EXOC4: variants seen among roughly 807,000 people sequenced by gnomAD.
EXOC4 encodes SEC8-like 1.
A neutral mutation model predicts 107.2 loss-of-function variants in EXOC4; 71 were observed. The observed-to-expected ratio is 0.66, with a 90% CI of 0.55 to 0.81. EXOC4 has a LOEUF of 0.81. EXOC4 is among the 30% of genes least tolerant of loss of function. The pLI is 0.00. For missense variants in EXOC4, 1,108 were observed against 1,189.6 expected (o/e 0.93, Z 1.01); for synonymous variants, 456 against 441.2 (o/e 1.03, Z -0.42).
chr7:133,944,579 A>G (rs146026512), intron 14 of EXOC4, among the ~76,000 whole-genome samples: 1 of 152,298 alleles, frequency 6.6e-6, no homozygotes, highest in Admixed American at 6.5e-5. Flanking sequence ...AGTTCCTTCC[A>G]AATTTTGGAT....
chr7:133,833,435 T>C (rs1797853337), intron 11 of EXOC4, among the ~76,000 whole-genome samples: 1 of 152,238 alleles, frequency 6.6e-6, no homozygotes, highest in South Asian at 2.1e-4. Flanking sequence ...GTGTACCAAA[T>C]AGTAAATGAA....
intron 10 of EXOC4, among the ~76,000 whole-genome samples, chr7:133,733,371 A>T (rs1795369379): frequency 6.6e-6 from 1 of 152,186 alleles, no homozygotes; most frequent in African/African-American, 2.4e-5. Flanking sequence ...GCATGCCTGT[A>T]ATCCCAGCTA....
intron 10 of EXOC4, among the ~76,000 whole-genome samples, chr7:133,678,578 A>G (rs868362783): frequency 1.3e-5 from 2 of 150,346 alleles, no homozygotes; most frequent in South Asian, 4.2e-4. Flanking sequence ...CTGTGTCACC[A>G]AGCAAGCTCT....
intron 14 of EXOC4, among the ~76,000 whole-genome samples, chr7:133,955,937 A>G (rs1800808986): frequency 6.6e-6 from 1 of 152,208 alleles, no homozygotes; most frequent in African/African-American, 2.4e-5. Context: ...CTGAGCCTTC[A>G]GGGGCAGTTG....
chr7:133,773,095 A>G (rs986525847), intron 10 of EXOC4, among the ~76,000 whole-genome samples: 20 of 152,010 alleles, frequency 1.3e-4, no homozygotes, highest in African/African-American at 4.6e-4. Flanking sequence ...ATCCCAGAGC[A>G]TGCCTGGAGC....
At chr7:133,474,315 T>C (rs996640736) in intron 7 of EXOC4, among the ~76,000 whole-genome samples, 5 of 151,996 alleles carry the variant, frequency 3.3e-5, no homozygotes, top group African/African-American at 7.2e-5. Flanking sequence ...AGTAGATTTT[T>C]TAACTTTTTA....
chr7:133,633,739 A>G (rs1199184874), intron 10 of EXOC4, among the ~76,000 whole-genome samples: 2 of 152,160 alleles, frequency 1.3e-5, no homozygotes, highest in Non-Finnish European at 2.9e-5. Context: ...TAAGTTCTAG[A>G]GGAACTTATC....
At chr7:133,736,041 A>G (rs1257546571) in intron 10 of EXOC4, among the ~76,000 whole-genome samples, 7 of 152,116 alleles carry the variant, frequency 4.6e-5, no homozygotes, top group African/African-American at 7.2e-5. Flanking sequence ...GTGAGCCTGC[A>G]TCGCACGACT....
chr7:133,960,412 A>C (rs1800915446), intron 14 of EXOC4, among the ~76,000 whole-genome samples: 1 of 152,180 alleles, frequency 6.6e-6, no homozygotes, highest in Non-Finnish European at 1.5e-5. Flanking sequence ...CTTGTGGAAT[A>C]GTGTCAATAG....
intron 6 of EXOC4, among the ~76,000 whole-genome samples, chr7:133,358,210 C>A (rs1323017835): frequency 2.6e-5 from 4 of 151,780 alleles, no homozygotes; most frequent in African/African-American, 9.7e-5. Flanking sequence ...ACAAACACCC[C>A]AAAAAACCAA....
chr7:133,620,610 A>G (rs2151005527), intron 9 of EXOC4, among the ~76,000 whole-genome samples: 1 of 152,296 alleles, frequency 6.6e-6, no homozygotes, highest in South Asian at 2.1e-4. Context: ...ATCCATTGGA[A>G]TATTATTCTT....
At chr7:133,828,103 C>G (rs1797740907) in intron 11 of EXOC4, among the ~76,000 whole-genome samples, 1 of 152,154 alleles carries the variant, frequency 6.6e-6, no homozygotes, top group Non-Finnish European at 1.5e-5. Flanking sequence ...CAGCCCACTC[C>G]TTGGTGGATA....
chr7:134,100,284 AG>A, the EXOC4 span, among the ~76,000 whole-genome samples: 2 of 73,726 alleles, frequency 2.7e-5, no homozygotes, highest in Non-Finnish European at 6.7e-5. Context: ...GCCAGGGAAG[AG>A]GCCTGGAACA....
chr7:133,461,379 A>G (rs950166281), intron 7 of EXOC4, among the ~76,000 whole-genome samples: 3 of 152,210 alleles, frequency 2.0e-5, no homozygotes, highest in African/African-American at 7.2e-5. Flanking sequence ...TAGTAATTAC[A>G]AAGTAAATGC....
the EXOC4 span, among the ~76,000 whole-genome samples, chr7:134,084,727 A>AAAAAAAAAAAG: frequency 1.4e-5 from 2 of 145,114 alleles, no homozygotes; most frequent in African/African-American, 5.3e-5. Context: ...AAAAAAAAAA[A>AAAAAAAAAAAG]AAATTCACCA....
chr7:134,005,735 G>A lies in EXOC4; in HGVS notation c.2527+645G>A, dbSNP rs189632567. 4.2e-3 allele frequency among the ~76,000 whole-genome samples: 644 copies of A among 152,270 alleles called. 4 individuals carry two copies. The highest frequency in any genetic ancestry group is 0.015 in the African/African-American group (609 of 41,558). ...TCCACATTATGTTCCCTTTGTCCAT[G>A]TTTTGGTTTGTTTGTATGAAAACTT... On this transcript the variant is annotated intron_variant, in intron 16 of 17. Coordinates refer to ENST00000253861, the MANE Select transcript of EXOC4 (RefSeq NM_021807.4).
intron 10 of EXOC4, among the ~76,000 whole-genome samples, chr7:133,637,754 T>C (rs1802748077): frequency 1.3e-5 from 2 of 152,208 alleles, no homozygotes; most frequent in East Asian, 1.9e-4. Context: ...ATTAATATTA[T>C]AAATGTTAAA....
At chr7:133,303,702 T>G (rs952459323) in intron 3 of EXOC4, among the ~76,000 whole-genome samples, 2 of 152,220 alleles carry the variant, frequency 1.3e-5, no homozygotes, top group African/African-American at 4.8e-5. Flanking sequence ...TTCAAATTTT[T>G]GAAGTTCTGA....
intron 11 of EXOC4, among the ~76,000 whole-genome samples, chr7:133,879,200 T>G (rs1015992696): frequency 2.6e-5 from 4 of 152,134 alleles, no homozygotes; most frequent in Middle Eastern, 3.2e-3. Flanking sequence ...ACTCAAGCGA[T>G]TCTCCCACAT....
Sources: gnomAD v4.1 joint callset for allele counts (sites outside exome capture counted in the v4.1 genomes callset) on GRCh38, gnomAD v4.1.1 for gene constraint, MANE v1.5 for transcripts, NCBI Gene and HGNC (gene_info 2026-07-23, HGNC 2026-07-21) for gene names.